The following FILIP1 variants were observed in gnomAD, a reference collection of about 807,000 sequenced individuals.
The protein encoded by FILIP1 is filamin A interacting protein 1, also known as filamin-A-interacting protein 1.
FILIP1 carries 61 observed loss-of-function variants against 102.1 expected under a neutral mutation model. That is an observed-to-expected ratio of 0.60 (90% CI 0.49 to 0.74). The LOEUF (loss-of-function observed/expected upper bound fraction) is 0.74. FILIP1 is among the 30% of genes least tolerant of loss of function. The pLI is 0.00. For missense variants in FILIP1, 1,314 were observed against 1,441.2 expected (o/e 0.91, Z 1.43); for synonymous variants, 491 against 526.9 (o/e 0.93, Z 0.93).
intron 3 of FILIP1, among the ~76,000 whole-genome samples, chr6:75,359,206 A>C (rs1775100678): frequency 6.6e-6 from 1 of 151,680 alleles, no homozygotes; most frequent in Admixed American, 6.6e-5. Flanking sequence ...GGGTTTCATT[A>C]TATTGGTCAG....
At chr6:75,303,156 T>A (rs911651708), downstream of FILIP1, among the ~76,000 whole-genome samples, 1 of 152,024 alleles carries the variant, frequency 6.6e-6, no homozygotes, top group Non-Finnish European at 1.5e-5. Context: ...CTGAATGGGT[T>A]AGATATCCCT....
chr6:75,388,857 T>C (rs528332055), intron 2 of FILIP1, among the ~76,000 whole-genome samples: 1 of 152,348 alleles, frequency 6.6e-6, no homozygotes, highest in East Asian at 1.9e-4. Context: ...TTGAATACTC[T>C]TTATTTCTTT....
At chr6:75,431,468 T>G (rs1390072633) in intron 1 of FILIP1, among the ~76,000 whole-genome samples, 3 of 152,202 alleles carry the variant, frequency 2.0e-5, no homozygotes, top group African/African-American at 7.2e-5. Context: ...CTTCTTCCCC[T>G]TGTTTTCTGT....
At chr6:75,425,273 T>C (rs73749477) in intron 1 of FILIP1, among the ~76,000 whole-genome samples, 272 of 152,316 alleles carry the variant, frequency 1.8e-3, no homozygotes, top group African/African-American at 6.3e-3. Context: ...ACTTAGTTGC[T>C]ATGTGAATGC....
At chr6:75,388,110 G>A (rs181855308) in intron 2 of FILIP1, among the ~76,000 whole-genome samples, 54 of 152,222 alleles carry the variant, frequency 3.5e-4, no homozygotes, top group African/African-American at 1.1e-3. Context: ...TGGCTAGCCC[G>A]TTTTCCCAAC....
intron 2 of FILIP1, among the ~76,000 whole-genome samples, chr6:75,376,587 A>G (rs747595488): frequency 6.6e-4 from 100 of 152,066 alleles, no homozygotes; most frequent in Non-Finnish European, 5.1e-4. Context: ...GTGAGGCCCA[A>G]TGAAAGGCAA....
intron 1 of FILIP1, among the ~76,000 whole-genome samples, chr6:75,463,080 G>A (rs1779070141): frequency 6.6e-6 from 1 of 152,170 alleles, no homozygotes; most frequent in African/African-American, 2.4e-5. Context: ...TTGGCTCTTG[G>A]TAGAGAGTAA....
downstream of FILIP1, among the ~76,000 whole-genome samples, chr6:75,305,641 T>C (rs781271272): frequency 4.6e-5 from 7 of 152,196 alleles, no homozygotes; most frequent in Non-Finnish European, 7.3e-5. Flanking sequence ...GTGTCCCATA[T>C]CGAAACATTT....
At chr6:75,309,350 C>T (rs766787289) in intron 5 of FILIP1, among the ~76,000 whole-genome samples, 6 of 152,154 alleles carry the variant, frequency 3.9e-5, no homozygotes, top group Non-Finnish European at 4.4e-5. Flanking sequence ...CTGACCACAT[C>T]CTCCTTTTTA....
intron 4 of FILIP1, among the ~76,000 whole-genome samples, chr6:75,346,184 G>C (rs909606987): frequency 4.6e-5 from 7 of 152,154 alleles, no homozygotes; most frequent in Admixed American, 2.6e-4. Context: ...GGATTTTGTG[G>C]TGTATTTTAA....
At position 75,406,894 on chromosome 6, in the gene FILIP1, G is replaced by A. The variant is rs555063161; in HGVS notation, c.276+7803C>T. The stretch of plus-strand genomic sequence containing the variant: ...AGGCTGGTCCCGAACTCCTGACTTC[G>A]TGATCCACCCACCTCAGCCTCCCAA... On this transcript the variant is annotated intron_variant, in intron 2 of 5. Transcript: ENST00000237172. Among the ~76,000 whole-genome samples, 10 of 152,140 alleles carry A rather than the reference G, an allele frequency of 6.6e-5. No individual in the cohort carries two copies. In the South Asian group the frequency reaches 1.9e-3, roughly 28 times the overall value.
At chr6:75,367,471 A>C (rs1381672560) in intron 2 of FILIP1, 1 of 152,154 alleles carries the variant, frequency 6.6e-6, no homozygotes, top group Non-Finnish European at 1.5e-5. Context: ...CCCTATGTCT[A>C]CCAAAAATAC....
At chr6:75,476,930 A>C (rs901721728) in intron 1 of FILIP1, among the ~76,000 whole-genome samples, 1 of 152,222 alleles carries the variant, frequency 6.6e-6, no homozygotes, top group Non-Finnish European at 1.5e-5. Flanking sequence ...TTATACAACA[A>C]TATGGAAGAA....
At chr6:75,404,278 A>T (rs1776758900) in intron 2 of FILIP1, among the ~76,000 whole-genome samples, 1 of 151,934 alleles carries the variant, frequency 6.6e-6, no homozygotes, top group South Asian at 2.1e-4. Flanking sequence ...CGTACCAGAA[A>T]CCCTAAATGC....
At chr6:75,343,638 C>G (rs571475556) in intron 4 of FILIP1, among the ~76,000 whole-genome samples, 1 of 152,280 alleles carries the variant, frequency 6.6e-6, no homozygotes, top group South Asian at 2.1e-4. Flanking sequence ...TGCTTTTGAT[C>G]CTACACACCA....
intron 4 of FILIP1, among the ~76,000 whole-genome samples, chr6:75,324,767 A>G (rs148483138): frequency 1.3e-3 from 199 of 152,310 alleles, no homozygotes; most frequent in African/African-American, 4.0e-3. Context: ...AGAATAGAGA[A>G]CCTGGAAATA....
intron 4 of FILIP1, among the ~76,000 whole-genome samples, chr6:75,329,819 G>A (rs1195564606): frequency 6.6e-6 from 1 of 152,004 alleles, no homozygotes; most frequent in Non-Finnish European, 1.5e-5. Context: ...ATACACTTAT[G>A]GGGTATATGG....
chr6:75,432,513 G>T (rs1481317566), intron 1 of FILIP1, among the ~76,000 whole-genome samples: 1 of 152,176 alleles, frequency 6.6e-6, no homozygotes, highest in Admixed American at 6.5e-5. Flanking sequence ...TTAGGTGAAT[G>T]AGTTATTTCC....
At chr6:75,372,687 G>A (rs56970731) in intron 2 of FILIP1, among the ~76,000 whole-genome samples, 52 of 27,792 alleles carry the variant, frequency 1.9e-3, no homozygotes, top group East Asian at 0.016. Flanking sequence ...GAAAGAAAGA[G>A]AAAGAAAGAG....
Sources: allele counts gnomAD v4.1 joint callset (sites outside exome capture counted in the v4.1 genomes callset), GRCh38; gene constraint gnomAD v4.1.1; transcripts MANE v1.5; gene names NCBI Gene and HGNC (gene_info 2026-07-23, HGNC 2026-07-21).